MYH13: variants seen among roughly 807,000 people sequenced by gnomAD.
The protein encoded by MYH13 is myosin-13.
Under a neutral mutation model 232.1 loss-of-function variants are expected in MYH13, and 177 were observed. The observed-to-expected ratio is 0.76, with a 90% confidence interval of 0.67 to 0.86. The LOEUF is 0.86. Ranked by LOEUF, MYH13 falls within the 40% of genes least tolerant of loss-of-function variation. The pLI is 0.00. For synonymous variants in MYH13, 884 were observed against 923.5 expected, an observed-to-expected ratio of 0.96 and a Z score of 0.78; for missense variants, 2,246 against 2,405.9, an observed-to-expected ratio of 0.93 and a Z score of 1.39.
intron 2 of MYH13, among the ~76,000 whole-genome samples, chr17:10,366,337 A>G (rs1405855675): frequency 6.7e-6 from 1 of 149,676 alleles, no homozygotes; most frequent in African/African-American, 2.5e-5. Flanking sequence ...ACACACACGC[A>G]CACCCACACA....
rs1906941527 is a variant in MYH13 at position 10,321,596 on chromosome 17, A to C, written c.3047T>G (p.Val1016Gly). 1.2e-6 allele frequency: 2 copies of C among 1,613,616 alleles called. No individual in the cohort carries two copies. Among genetic ancestry groups the C allele is most frequent in the Non-Finnish European group, 1.7e-6 (2 of 1,179,622 alleles). ...AHQQTLDDLQ[V>G]EEDKVNGLIK... ...TAGACCATTGACTTTATCTTCTTCC[A>C]CCTGAAGATCATCCAGTGTTTGCTG... is the stretch of plus-strand genomic sequence containing the variant. Residue 1016 changes from valine to glycine, a missense_variant, in exon 24 of 41, where the codon GTG (valine) becomes GGG (glycine). Transcript: ENST00000252172.
At chr17:10,313,916 G>A (rs4451985) in intron 29 of MYH13, among the ~76,000 whole-genome samples, 83,012 of 152,062 alleles carry the variant, frequency 0.55, 22,772 homozygotes, top group Non-Finnish European at 0.56. Flanking sequence ...GATTGCTGAT[G>A]TGAGCTTCGC....
At chr17:10,334,300 T>G (rs1907514014) in intron 18 of MYH13, among the ~76,000 whole-genome samples, 1 of 152,126 alleles carries the variant, frequency 6.6e-6, no homozygotes, top group African/African-American at 2.4e-5. Context: ...CTGGTAGCTG[T>G]GGGGAGACAT....
At position 10,313,337 on chromosome 17, in the gene MYH13, C is replaced by T. The variant is rs182736288; in HGVS notation, c.4002G>A (p.Ala1334=). 178 of 1,614,250 alleles carry T rather than the reference C, an allele frequency of 1.1e-4. 1 individual carries two copies. In the African/African-American group the frequency reaches 1.9e-3, roughly 17 times the overall value. ...CGTGGCGGGAGGACTGCAGGGCGTGCGCCATGGCGTTCTTGGCCTGGGAAT... is the reference window on the plus strand; with the variant it reads ...CGTGGCGGGAGGACTGCAGGGCGTGTGCCATGGCGTTCTTGGCCTGGGAAT... ...EEETKAKNAM[A]HALQSSRHDC... Residue 1334 remains alanine (A), a synonymous_variant, in exon 30 of 41, where the codon GCG becomes GCA. Coordinates refer to ENST00000252172, the MANE Select transcript of MYH13 (RefSeq NM_003802.3).
intron 3 of MYH13, among the ~76,000 whole-genome samples, chr17:10,363,315 C>CAAAAAAAAAAAAA (rs11390504): frequency 2.3e-4 from 21 of 91,766 alleles, no homozygotes; most frequent in African/African-American, 8.0e-4. Context: ...GACTCCGTCT[C>CAAAAAAAAAAAAA]AAAAAAAAAA....
rs1242710646 is a variant in MYH13 at position 10,345,253 on chromosome 17, C to G, written c.1533G>C (p.Glu511Asp). 6.2e-7 allele frequency: 1 copy of G among 1,614,192 alleles called. No individual in the cohort carries two copies. The highest frequency in any genetic ancestry group is 8.5e-7 in the Non-Finnish European group (1 of 1,180,018). The change falls in exon 15 of 41, where the codon GAG becomes GAC. Residue 511 changes from glutamate to aspartate, a missense_variant. Physicochemically the swap from Glu to Asp is conservative, Grantham distance 45. Coordinates refer to ENST00000252172, the MANE Select transcript of MYH13 (RefSeq NM_003802.3). ...CCAGGTCCATTCCGAAGTCAATGAA[C>G]TCCCACTCGATGCCTTCCTTCTTGT... ...EEYKKEGIEW[E>D]FIDFGMDLAA...
intron 18 of MYH13, 145 bp from the exon 19 acceptor site, chr17:10,333,336 G>A: frequency 3.1e-6 from 2 of 642,678 alleles, no homozygotes; most frequent in Non-Finnish European, 5.5e-6. Flanking sequence ...CAAGGTAGAG[G>A]GCTGGGGGTG....
intron 27 of MYH13, among the ~76,000 whole-genome samples, chr17:10,316,712 G>C (rs1279557489): frequency 6.6e-6 from 1 of 152,214 alleles, no homozygotes; most frequent in African/African-American, 2.4e-5. Flanking sequence ...TAACACAGAA[G>C]GTTCCCCATG....
intron 8 of MYH13, among the ~76,000 whole-genome samples, chr17:10,357,506 G>C (rs934499382): frequency 6.6e-6 from 1 of 152,134 alleles, no homozygotes; most frequent in Middle Eastern, 3.2e-3. Context: ...ATGCTGTGAG[G>C]TGACATTGCC....
chr17:10,358,603 A>T lies in MYH13; in HGVS notation c.646-776T>A, dbSNP rs188103742. On this transcript the variant is annotated intron_variant, in intron 7 of 40. Transcript: ENST00000252172. ...TGAGACTCCATCTCTACAAAAAATT[A>T]AAAAAAAACTAGCCAGGCATGGTGG... is the stretch of plus-strand genomic sequence containing the variant. 2.8e-3 allele frequency among the ~76,000 whole-genome samples: 418 copies of T among 151,302 alleles called. 3 individuals are homozygous for T. The highest frequency in any genetic ancestry group is 9.2e-3 in the African/African-American group (379 of 41,110).
chr17:10,340,227 T>A lies in MYH13; in HGVS notation c.1979A>T (p.Asn660Ile), dbSNP rs1202597060. Residue 660 changes from asparagine (N) to isoleucine (I), a missense_variant, in exon 18 of 41, where the codon AAC (asparagine) becomes ATC (isoleucine). Transcript: ENST00000252172. ...TVSAVFRENL[N>I]KLMTNLRSTH... The stretch of plus-strand genomic sequence containing the variant: ...GCTCCTTAAGTTAGTCATCAATTTG[T>A]TTAAATTTTCCTGGGACATAAACCA... 1.2e-6 allele frequency: 2 copies of A among 1,613,976 alleles called. No homozygotes were observed. Among genetic ancestry groups the A allele is most frequent in the Non-Finnish European group, 1.7e-6 (2 of 1,179,888 alleles).
chr17:10,305,166 C>T (rs531278943), intron 37 of MYH13, among the ~76,000 whole-genome samples: 7 of 152,108 alleles, frequency 4.6e-5, no homozygotes, highest in Non-Finnish European at 7.4e-5. Context: ...GTCACATAAC[C>T]GGGCAGGGGA....
rs747566701 is a variant in MYH13, at chr17:10,344,090, A to G, written c.1604T>C (p.Ile535Thr). The G allele has an allele frequency of 6.2e-6, 10 of 1,613,902 alleles. No individual in the cohort carries two copies. The African/African-American group carries it at 8.0e-5, about 13-fold the overall frequency. The change falls in exon 16 of 41, where the codon ATC becomes ACC. Residue 535 changes from isoleucine (I) to threonine (T), a missense_variant. Ile to Thr is a moderately conservative substitution (Grantham distance 89). Transcript: ENST00000252172. ...LIEKPMGIFS[I>T]LEEECMFPKA... is the part of the protein sequence containing the mutation. Reference sequence around the variant, plus strand: ...GGGGAACATGCACTCCTCTTCCAGGATGGAGAAGATGCCCATAGGCTGGAA... The same window carrying G: ...GGGGAACATGCACTCCTCTTCCAGGGTGGAGAAGATGCCCATAGGCTGGAA...
At chr17:10,313,500 TTTAA>T in intron 29 of MYH13, 146 bp from the exon 30 acceptor site, 1 of 1,211,598 alleles carries the variant, frequency 8.3e-7, no homozygotes, top group Non-Finnish European at 1.1e-6. Context: ...ACCTGGTTTA[TTTAA>T]TTTTTTTTCA....
intron 7 of MYH13, 121 bp from the exon 8 acceptor site, chr17:10,357,948 T>C: frequency 1.3e-6 from 1 of 795,838 alleles, no homozygotes; most frequent in East Asian, 2.6e-5. Flanking sequence ...CAGCTCCACC[T>C]GGTGGTCAGT....
intron 27 of MYH13, among the ~76,000 whole-genome samples, chr17:10,316,978 G>A (rs1250567396): frequency 2.0e-5 from 3 of 152,242 alleles, no homozygotes; most frequent in Non-Finnish European, 2.9e-5. Flanking sequence ...ACGCAAACAT[G>A]AAGGAATCAA....
At chr17:10,313,964 A>G (rs1014777195) in intron 29 of MYH13, among the ~76,000 whole-genome samples, 1 of 152,192 alleles carries the variant, frequency 6.6e-6, no homozygotes, top group Non-Finnish European at 1.5e-5. Flanking sequence ...TAGGCAGAGA[A>G]GACATGCCTA....
intron 3 of MYH13, among the ~76,000 whole-genome samples, chr17:10,363,955 C>A (rs2071813338): frequency 1.3e-5 from 2 of 152,178 alleles, no homozygotes; most frequent in Admixed American, 1.3e-4. Flanking sequence ...TAATTCTCCA[C>A]ATTAAGTGAG....
chr17:10,309,617 C>T lies in MYH13; in HGVS notation c.4870G>A (p.Gly1624Arg), dbSNP rs763178092. ...DALRLKKKMEGDLNEMEIQLG... is the reference protein window; with the variant it reads ...DALRLKKKMERDLNEMEIQLG... ...TGAATCTCCATCTCATTAAGGTCTC[C>T]CTCCATCTTCTTCTTTAGCCTCAGG... Residue 1624 changes from glycine (G) to arginine (R), a missense_variant, in exon 34 of 41, where the codon GGA (glycine) becomes AGA (arginine). Transcript: ENST00000252172. 1 of 1,613,322 alleles carries T rather than the reference C, an allele frequency of 6.2e-7. No homozygotes were observed. The highest frequency in any genetic ancestry group is 8.5e-7 in the Non-Finnish European group (1 of 1,179,688).
Sources: allele counts gnomAD v4.1 joint callset (sites outside exome capture counted in the v4.1 genomes callset), GRCh38; gene constraint gnomAD v4.1.1; transcripts MANE v1.5; gene names NCBI Gene and HGNC (gene_info 2026-07-23, HGNC 2026-07-21).